The following DRC11L variants were observed in gnomAD, a reference collection of about 807,000 sequenced individuals.
DRC11L encodes the protein dynein regulatory complex subunit like-11.
chr7:151,197,730 G>A, the DRC11L span: 5 of 394,322 alleles, frequency 1.3e-5, no homozygotes, highest in Non-Finnish European at 2.2e-5. Flanking sequence ...CTCCATTGAG[G>A]CTGACCCCCT....
the DRC11L span, among the ~76,000 whole-genome samples, chr7:151,198,393 G>C: frequency 6.6e-6 from 1 of 152,120 alleles, no homozygotes; most frequent in African/African-American, 2.4e-5. Flanking sequence ...TGGATGGATA[G>C]GTAGATGGAG....
the DRC11L span, among the ~76,000 whole-genome samples, chr7:151,200,222 T>C: frequency 6.6e-6 from 1 of 152,140 alleles, no homozygotes; most frequent in Non-Finnish European, 1.5e-5. Context: ...GCCAGGGGGC[T>C]TTTCTGTCCT....
chr7:151,192,617 A>G, the DRC11L span: 1 of 398,684 alleles, frequency 2.5e-6, no homozygotes, highest in East Asian at 3.6e-5. Context: ...AGGTGTGAGG[A>G]GTAGAGGGGC....
At chr7:151,194,541 C>G in the DRC11L span, 2 of 399,420 alleles carry the variant, frequency 5.0e-6, no homozygotes. Flanking sequence ...ATGCTACTGA[C>G]TCACTCTTCC....
chr7:151,195,829 T>A, the DRC11L span: 1 of 387,476 alleles, frequency 2.6e-6, no homozygotes, highest in East Asian at 3.7e-5. Context: ...TTCCTCTGCA[T>A]TCCTCCCTCC....
chr7:151,199,781 T>G, the DRC11L span, among the ~76,000 whole-genome samples: 1 of 152,150 alleles, frequency 6.6e-6, no homozygotes, highest in East Asian at 1.9e-4. The surrounding 1 kb of genome is among the most constrained non-coding windows in gnomAD (Gnocchi z 5.2). Context: ...GCAAAGCCCT[T>G]CCCCCAGGGA....
At chr7:151,198,971 G>A in the DRC11L span, 8 of 398,978 alleles carry the variant, frequency 2.0e-5, no homozygotes, top group Non-Finnish European at 3.5e-5. Context: ...GGGAGATGAT[G>A]CTCAGGTGCT....
the DRC11L span, among the ~76,000 whole-genome samples, chr7:151,200,764 A>G: frequency 6.6e-6 from 1 of 151,688 alleles, no homozygotes; most frequent in African/African-American, 2.4e-5. Flanking sequence ...CATTCCCTAC[A>G]CCCCCTCCTC....
chr7:151,205,361 C>T, the DRC11L span: 403 of 399,136 alleles, frequency 1.0e-3, 1 homozygote, highest in African/African-American at 7.8e-3. Context: ...AACCGCCACT[C>T]TGCCCCTGCC....
chr7:151,202,174 T>C, the DRC11L span, among the ~76,000 whole-genome samples: 1 of 152,160 alleles, frequency 6.6e-6, no homozygotes, highest in South Asian at 2.1e-4. Context: ...GGCACAGAGT[T>C]TGGGGGTGCT....
the DRC11L span, chr7:151,197,232 T>TTTC: frequency 2.5e-6 from 1 of 399,530 alleles, no homozygotes; most frequent in Non-Finnish European, 4.4e-6. Flanking sequence ...CTTCCTTTCC[T>TTTC]TTCTTCTTCT....
the DRC11L span, among the ~76,000 whole-genome samples, chr7:151,196,728 TG>T: frequency 6.6e-6 from 1 of 152,208 alleles, no homozygotes; most frequent in South Asian, 2.1e-4. Context: ...AGCCTGGCAT[TG>T]CTTCTACCCA....
the DRC11L span, chr7:151,195,301 A>G: frequency 2.5e-6 from 1 of 397,922 alleles, no homozygotes; most frequent in Non-Finnish European, 4.4e-6. Flanking sequence ...GAGGCCAGGG[A>G]GTCAGAGAGG....
the DRC11L span, chr7:151,191,624 C>A: frequency 2.5e-6 from 1 of 399,128 alleles, no homozygotes; most frequent in East Asian, 3.6e-5. Context: ...CAGCCCCTGG[C>A]CCTGCCACCT....
the DRC11L span, chr7:151,200,416 C>T: frequency 1.3e-5 from 5 of 399,148 alleles, no homozygotes; most frequent in African/African-American, 2.1e-5. Context: ...TTCGCCGGTC[C>T]TGCTGAGTGC....
chr7:151,193,217 G>A, the DRC11L span: 21 of 398,592 alleles, frequency 5.3e-5, no homozygotes, highest in Admixed American at 3.1e-4. Flanking sequence ...GATGGGTGAC[G>A]TGACCTCAAA....
At chr7:151,198,246 G>T in the DRC11L span, among the ~76,000 whole-genome samples, 1 of 149,516 alleles carries the variant, frequency 6.7e-6, no homozygotes, top group Non-Finnish European at 1.5e-5. Context: ...AGATGGAGAG[G>T]TGGGTAGAAG....
the DRC11L span, chr7:151,196,672 C>T: frequency 2.5e-6 from 1 of 398,582 alleles, no homozygotes; most frequent in Non-Finnish European, 4.4e-6. Flanking sequence ...TGTGTGCACA[C>T]AGGTCAGGAG....
At chr7:151,203,130 A>G in the DRC11L span, 1 of 399,102 alleles carries the variant, frequency 2.5e-6, no homozygotes, top group East Asian at 3.6e-5. Flanking sequence ...GCAGGAGCAC[A>G]TGAGGGAGAG....
Sources: allele counts gnomAD v4.1 joint callset (sites outside exome capture counted in the v4.1 genomes callset), GRCh38; gene constraint gnomAD v4.1.1; non-coding constraint Gnocchi (gnomAD v3.1); transcripts MANE v1.5; gene names NCBI Gene and HGNC (gene_info 2026-07-23, HGNC 2026-07-21).